MAD1L1: variants seen among roughly 807,000 people sequenced by gnomAD.
The protein encoded by MAD1L1 is mitotic spindle assembly checkpoint protein MAD1.
Under a neutral mutation model 96.9 loss-of-function variants are expected in MAD1L1, and 95 were observed. The observed-to-expected ratio is 0.98, with a 90% CI of 0.83 to 1.16. MAD1L1 has a LOEUF of 1.16. MAD1L1 is among the 50% of genes most tolerant of loss of function. MAD1L1 has a pLI of 0.00. For missense variants in MAD1L1, 1,007 were observed against 954.4 expected, an observed-to-expected ratio of 1.06 and a Z score of -0.73; for synonymous variants, 473 against 396.6, an observed-to-expected ratio of 1.19 and a Z score of -2.29.
In MAD1L1 at chr7:2,129,652, A is replaced by G. The variant is rs79693209; in HGVS notation, c.1073+19500T>C. On this transcript the variant is annotated intron_variant, in intron 11 of 18. Transcript: ENST00000265854. ...TAACAAAGATGGTCTCCCTGACGAG[A>G]GCAAGGTGGCAAGACAGACACAGCT... Among the ~76,000 whole-genome samples the G allele has an allele frequency of 8.1e-4, 124 of 152,340 alleles. 2 individuals are homozygous for G. The East Asian group carries it at 0.014, about 17-fold the overall frequency.
Position 2,002,125 on chromosome 7 carries a change from C to A in MAD1L1, c.1360-4G>T, listed in dbSNP as rs753616700. The A allele has an allele frequency of 1.2e-6, 2 of 1,612,806 alleles. No individual in the cohort carries two copies. Among genetic ancestry groups the A allele is most frequent in the Admixed American group, 1.7e-5 (1 of 60,034 alleles). ...CCAGGGCCTGCGACAGCTGAGCCTGCAAGACAAGACAGGATTCGGCCTGAG... is the reference window on the plus strand; with the variant it reads ...CCAGGGCCTGCGACAGCTGAGCCTGAAAGACAAGACAGGATTCGGCCTGAG... On this transcript the variant is annotated splice_polypyrimidine_tract_variant and splice_region_variant and intron_variant, in intron 13 of 18. Coordinates refer to ENST00000265854, the MANE Select transcript of MAD1L1 (RefSeq NM_001013836.2).
chr7:1,907,866 T>G (rs968263813), intron 17 of MAD1L1, among the ~76,000 whole-genome samples: 10 of 152,170 alleles, frequency 6.6e-5, no homozygotes, highest in African/African-American at 2.4e-4. Context: ...GAGGGGGCAG[T>G]GCGGTCTGGG....
intron 18 of MAD1L1, among the ~76,000 whole-genome samples, chr7:1,839,244 C>T (rs139633159): frequency 0.015 from 2,220 of 152,116 alleles, 53 homozygotes; most frequent in African/African-American, 0.05. Flanking sequence ...TGGGCTTGCC[C>T]GGGGTCGAGG....
intron 12 of MAD1L1, among the ~76,000 whole-genome samples, chr7:2,043,153 C>T (rs771705747): frequency 3.5e-4 from 54 of 152,218 alleles, no homozygotes; most frequent in Non-Finnish European, 4.9e-4. Flanking sequence ...GAATGGAGAA[C>T]ATCCAAGTCA....
intron 17 of MAD1L1, among the ~76,000 whole-genome samples, chr7:1,919,635 C>A (rs1037279164): frequency 1.3e-5 from 2 of 152,240 alleles, no homozygotes; most frequent in African/African-American, 4.8e-5. Context: ...TCATGCTGAG[C>A]ACACATCATG....
chr7:1,888,699 T>A (rs1786341459), intron 18 of MAD1L1, among the ~76,000 whole-genome samples: 1 of 150,540 alleles, frequency 6.6e-6, no homozygotes, highest in Non-Finnish European at 1.5e-5. Flanking sequence ...TGCGTGTGTG[T>A]CGTGTGTGGC....
chr7:2,047,788 T>G (rs976849611), intron 12 of MAD1L1, among the ~76,000 whole-genome samples: 6 of 151,800 alleles, frequency 4.0e-5, no homozygotes, highest in Non-Finnish European at 2.9e-5. Context: ...TGCAGACACA[T>G]GCACACTCAC....
rs184697966 is a variant in MAD1L1 at position 1,822,002 on chromosome 7, G to A, written c.1999-5774C>T. On this transcript the variant is annotated intron_variant, in intron 18 of 18. Coordinates refer to ENST00000265854, the MANE Select transcript of MAD1L1 (RefSeq NM_001013836.2). ...TGTCCCTACTCGGAAATCACATGAC[G>A]GCACACGTGGAAAACCCTAAGCAAT... 1.6e-4 allele frequency among the ~76,000 whole-genome samples: 24 copies of A among 152,222 alleles called. No homozygotes were observed. The East Asian group carries it at 4.1e-3, about 26-fold the overall frequency.
chr7:1,824,626 G>T (rs1378141052), intron 18 of MAD1L1, among the ~76,000 whole-genome samples: 2 of 152,146 alleles, frequency 1.3e-5, no homozygotes, highest in African/African-American at 2.4e-5. Context: ...TCCCACAGAG[G>T]CTCCCCCACC....
intron 10 of MAD1L1, among the ~76,000 whole-genome samples, chr7:2,163,241 A>C (rs1018548062): frequency 1.3e-5 from 2 of 152,214 alleles, no homozygotes; most frequent in African/African-American, 4.8e-5. Flanking sequence ...CTCAGGAGTG[A>C]TCACAGAGCC....
At chr7:2,051,566 G>A (rs924422468) in intron 12 of MAD1L1, among the ~76,000 whole-genome samples, 16 of 152,108 alleles carry the variant, frequency 1.1e-4, no homozygotes, top group African/African-American at 3.4e-4. Context: ...GCCCAGGAAC[G>A]AGACATTGAA....
intron 18 of MAD1L1, among the ~76,000 whole-genome samples, chr7:1,853,835 G>A (rs772167987): frequency 2.6e-5 from 4 of 152,086 alleles, no homozygotes; most frequent in Non-Finnish European, 5.9e-5. Flanking sequence ...CTGGGTGGCC[G>A]AGCAGGGGAG....
At chr7:2,081,894 G>C (rs1473580917) in intron 11 of MAD1L1, among the ~76,000 whole-genome samples, 3 of 152,242 alleles carry the variant, frequency 2.0e-5, no homozygotes, top group Non-Finnish European at 4.4e-5. Context: ...CCCCTGGGGA[G>C]ACAGCAGGGC....
chr7:2,107,718 A>T (rs1396444829), intron 11 of MAD1L1: 1 of 152,050 alleles, frequency 6.6e-6, no homozygotes, highest in Non-Finnish European at 1.5e-5. Flanking sequence ...ATTCCACAAC[A>T]CCCAAAGCAT....
At chr7:1,923,066 G>C (rs1024676076) in intron 17 of MAD1L1, among the ~76,000 whole-genome samples, 1 of 152,156 alleles carries the variant, frequency 6.6e-6, no homozygotes, top group Non-Finnish European at 1.5e-5. Flanking sequence ...CTGTTTTCTT[G>C]GAGAGTTTTG....
chr7:2,021,235 A>G (rs1782775776), intron 12 of MAD1L1, among the ~76,000 whole-genome samples: 1 of 152,204 alleles, frequency 6.6e-6, no homozygotes, highest in Non-Finnish European at 1.5e-5. Flanking sequence ...ATCAAGCAGG[A>G]AAAATACCAA....
At chr7:2,179,903 G>A (rs1422484146) in intron 10 of MAD1L1, among the ~76,000 whole-genome samples, 10 of 150,974 alleles carry the variant, frequency 6.6e-5, no homozygotes, top group African/African-American at 1.5e-4. Context: ...CCTGGGAGGC[G>A]GAGGTCACAG....
chr7:2,190,418 T>C (rs1791662444), intron 10 of MAD1L1, among the ~76,000 whole-genome samples: 1 of 152,148 alleles, frequency 6.6e-6, no homozygotes, highest in South Asian at 2.1e-4. Flanking sequence ...AAAGCTTGGG[T>C]TAGGCAGATA....
intron 13 of MAD1L1, among the ~76,000 whole-genome samples, chr7:2,010,655 G>C (rs1052730085): frequency 6.6e-6 from 1 of 152,222 alleles, no homozygotes; most frequent in Admixed American, 6.5e-5. Context: ...GTCTCTGCTA[G>C]AATGAAAACA....
Sources: allele counts gnomAD v4.1 joint callset (sites outside exome capture counted in the v4.1 genomes callset), GRCh38; gene constraint gnomAD v4.1.1; transcripts MANE v1.5; gene names NCBI Gene and HGNC (gene_info 2026-07-23, HGNC 2026-07-21).